Variants in DLG2 observed in about 807,000 individuals in gnomAD.
DLG2 encodes the protein discs large MAGUK scaffold protein 2.
A neutral mutation model predicts 132.5 loss-of-function variants in DLG2; 45 were observed. The observed-to-expected ratio is 0.34, with a 90% CI of 0.27 to 0.44. DLG2 has a LOEUF of 0.44. Ranked by LOEUF, DLG2 falls within the 20% of genes least tolerant of loss-of-function variation. The pLI, the probability that DLG2 is intolerant of heterozygous loss-of-function variation, is 1.00. For synonymous variants in DLG2, 424 were observed against 419.6 expected (o/e 1.01, Z -0.13); for missense variants, 1,045 against 1,196.9 (o/e 0.87, Z 1.87).
intron 19 of DLG2, among the ~76,000 whole-genome samples, chr11:83,625,874 G>A (rs1035953427): frequency 6.6e-6 from 1 of 152,166 alleles, no homozygotes; most frequent in Admixed American, 6.5e-5. Flanking sequence ...AACCAGACTC[G>A]ATGCACTTGG....
At chr11:83,987,800 T>A (rs965694975) in intron 11 of DLG2, among the ~76,000 whole-genome samples, 1 of 152,168 alleles carries the variant, frequency 6.6e-6, no homozygotes, top group Non-Finnish European at 1.5e-5. Context: ...AGGACTTTTT[T>A]GACTTTTTAA....
At chr11:85,285,424 C>T in intron 3 of DLG2, 59 bp from the exon 4 acceptor site, 1 of 1,530,504 alleles carries the variant, frequency 6.5e-7, no homozygotes, top group South Asian at 1.2e-5. Context: ...TAAATAGCTT[C>T]TGCATATATG....
chr11:85,481,715 C>T (rs1230112214), intron 3 of DLG2, among the ~76,000 whole-genome samples: 1 of 152,120 alleles, frequency 6.6e-6, no homozygotes, highest in Non-Finnish European at 1.5e-5. Context: ...CAGCATCAGG[C>T]TAGCCCTCAC....
chr11:84,154,313 T>C (rs912665462), intron 9 of DLG2, among the ~76,000 whole-genome samples: 3 of 152,170 alleles, frequency 2.0e-5, no homozygotes, highest in Admixed American at 1.3e-4. Context: ...TATTTTTAAA[T>C]ACAAAAGTAA....
intron 7 of DLG2, among the ~76,000 whole-genome samples, chr11:84,493,064 G>A (rs892174200): frequency 1.1e-4 from 17 of 151,998 alleles, no homozygotes; most frequent in Non-Finnish European, 1.5e-5. Context: ...AGATAAGATG[G>A]GATGACAAGA....
intron 3 of DLG2, among the ~76,000 whole-genome samples, chr11:85,529,077 G>T (rs971960725): frequency 6.6e-6 from 1 of 152,144 alleles, no homozygotes; most frequent in Non-Finnish European, 1.5e-5. Context: ...ACGAATCTAC[G>T]TGTATTTTAG....
chr11:84,570,523 A>G (rs1207629409), intron 6 of DLG2, among the ~76,000 whole-genome samples: 1 of 152,202 alleles, frequency 6.6e-6, no homozygotes, highest in Admixed American at 6.6e-5. Flanking sequence ...TGCCTGGCAC[A>G]TAGTAGGTGT....
chr11:84,740,312 G>A (rs761635221), intron 6 of DLG2, among the ~76,000 whole-genome samples: 8 of 151,972 alleles, frequency 5.3e-5, no homozygotes, highest in Non-Finnish European at 7.4e-5. Flanking sequence ...GTCCTCCTGA[G>A]TGAAAAAGGT....
intron 19 of DLG2, among the ~76,000 whole-genome samples, chr11:83,569,154 T>A (rs1170370256): frequency 6.6e-6 from 1 of 152,004 alleles, no homozygotes; most frequent in Admixed American, 6.6e-5. Flanking sequence ...ATTTAAAAAA[T>A]CTGTTTTAAG....
chr11:85,160,147 G>A (rs1195189786), intron 4 of DLG2, among the ~76,000 whole-genome samples: 1 of 152,184 alleles, frequency 6.6e-6, no homozygotes, highest in Non-Finnish European at 1.5e-5. Context: ...TGCCTAGTGG[G>A]TGTACTTGGA....
chr11:83,770,761 G>C (rs939201034), intron 18 of DLG2, among the ~76,000 whole-genome samples: 6 of 152,070 alleles, frequency 3.9e-5, no homozygotes, highest in Admixed American at 1.3e-4. Flanking sequence ...TTGGTTTATA[G>C]TTAAGAAAGT....
At chr11:84,783,849 T>C (rs2072293325) in intron 6 of DLG2, among the ~76,000 whole-genome samples, 1 of 152,112 alleles carries the variant, frequency 6.6e-6, no homozygotes, top group Non-Finnish European at 1.5e-5. Context: ...TAGCTATTAT[T>C]TAGCTCAGTA....
chr11:83,507,758 TTATATA>T (rs59086507), intron 21 of DLG2, among the ~76,000 whole-genome samples: 2,454 of 99,752 alleles, frequency 0.025, 34 homozygotes, highest in Middle Eastern at 0.057. Context: ...TATATTTTTA[TTATATA>T]TATATATATA....
chr11:85,404,873 G>T (rs565698740), intron 3 of DLG2, among the ~76,000 whole-genome samples: 2 of 151,928 alleles, frequency 1.3e-5, no homozygotes, highest in Admixed American at 6.6e-5. Context: ...GAGAGGCTGT[G>T]AAAAGGAAAG....
intron 6 of DLG2, among the ~76,000 whole-genome samples, chr11:84,546,137 A>G (rs2099389319): frequency 6.6e-6 from 1 of 152,134 alleles, no homozygotes; most frequent in Non-Finnish European, 1.5e-5. Flanking sequence ...TCAAGTTGAA[A>G]TGTAGTCCCT....
At position 84,154,162 on chromosome 11, in the gene DLG2, TA is replaced by T. The variant is rs527731129; in HGVS notation, c.624+9298del. Among the ~76,000 whole-genome samples the T allele has an allele frequency of 2.4e-4, 36 of 152,142 alleles. 1 individual carries two copies. The highest frequency in any genetic ancestry group is 1.2e-4 in the Non-Finnish European group (8 of 68,034). On this transcript the variant is annotated intron_variant, in intron 9 of 27. Coordinates refer to ENST00000376104, the MANE Select transcript of DLG2 (RefSeq NM_001142699.3). ...ACAGGCACACGCCAACATGCCCAGC[TA>T]ATTTTTGTATTTTTAATACAGATGG...
chr11:83,995,626 C>T (rs921643513), intron 11 of DLG2, among the ~76,000 whole-genome samples: 1 of 152,096 alleles, frequency 6.6e-6, no homozygotes, highest in Non-Finnish European at 1.5e-5. Context: ...TAAAAACAGA[C>T]ACATAGACAA....
intron 16 of DLG2, among the ~76,000 whole-genome samples, chr11:83,837,442 G>C (rs1171767978): frequency 1.3e-5 from 2 of 152,078 alleles, no homozygotes; most frequent in Non-Finnish European, 2.9e-5. Flanking sequence ...GAAGTGTAAG[G>C]CCATCTTAGA....
At chr11:84,290,804 G>C (rs991223514) in intron 7 of DLG2, among the ~76,000 whole-genome samples, 1 of 152,072 alleles carries the variant, frequency 6.6e-6, no homozygotes, top group Non-Finnish European at 1.5e-5. Context: ...TGTTCTTTTG[G>C]TAGTACATTG....
Sources: gnomAD v4.1 joint callset for allele counts (sites outside exome capture counted in the v4.1 genomes callset) on GRCh38, gnomAD v4.1.1 for gene constraint, MANE v1.5 for transcripts, NCBI Gene and HGNC (gene_info 2026-07-23, HGNC 2026-07-21) for gene names.